CTU2: variants seen among roughly 807,000 people sequenced by gnomAD.
CTU2 encodes the protein cytoplasmic tRNA 2-thiolation protein 2.
In CTU2, 80 loss-of-function variants were observed where a neutral mutation model predicts 64.1. That is an observed-to-expected ratio of 1.25 (90% CI 1.04 to 1.50). The LOEUF (loss-of-function observed/expected upper bound fraction) is 1.50. Among genes scored for constraint, CTU2 ranks in the 40% most tolerant of loss-of-function variants. The pLI is 0.00. For missense variants in CTU2, 1,110 were observed against 690.2 expected (o/e 1.61, Z -6.81); for synonymous variants, 482 against 285.3 (o/e 1.69, Z -6.95).
chr16:88,712,880 A>C lies in CTU2; in HGVS notation c.712A>C (p.Lys238Gln). The C allele has an allele frequency of 6.5e-7, 1 of 1,528,494 alleles. No homozygotes were observed. Among genetic ancestry groups the C allele is most frequent in the Non-Finnish European group, 8.8e-7 (1 of 1,138,650 alleles). 94.7% of individuals were successfully genotyped at this position (1,528,494 alleles called of 1,614,324 possible). A position where few individuals can be genotyped will look rare whatever the true frequency, so the allele number is the denominator to read the frequency against. Residue 238 changes from lysine to glutamine, a missense_variant, in exon 7 of 15, where the codon AAG becomes CAG. Coordinates refer to ENST00000453996, the MANE Select transcript of CTU2 (RefSeq NM_001012759.3). ...CTGCTCAGTGAGGACACTGACTGCC[A>C]AGGAGGAGCTTCTGCAGACCCTGCG... The part of the protein sequence containing the change: ...LFCSVRTLTA[K>Q]EELLQTLRTH...
Position 88,714,744 on chromosome 16 carries a change from C to A in CTU2, c.1352+7C>A. ...GCCAGGGGGCCTGCAGGAGGTGAGT[C>A]CCTGTCCCTGCCACCCATGGCCAGC... is the stretch of plus-strand genomic sequence containing the variant. On this transcript the variant is annotated splice_region_variant and intron_variant, in intron 12 of 14. Transcript: ENST00000453996. 10 of 1,605,712 alleles carry A rather than the reference C, an allele frequency of 6.2e-6. No individual in the cohort carries two copies. Among genetic ancestry groups the A allele is most frequent in the Admixed American group, 1.7e-5 (1 of 59,358 alleles).
intron 5 of CTU2, 92 bp downstream of exon 5, chr16:88,711,787 G>T: frequency 8.1e-7 from 1 of 1,233,746 alleles, no homozygotes. Context: ...TCTGGTGCCG[G>T]TCCTCCCTCT....
chr16:88,713,796 G>C lies in CTU2; in HGVS notation c.1005+18G>C, dbSNP rs1911594350. ...ACACCAAGGTGGGCCTTGTGGGCTG[G>C]GCAACCTCTCTCACCATTGACACCG... On this transcript the variant is annotated intron_variant, in intron 9 of 14. Coordinates refer to ENST00000453996, the MANE Select transcript of CTU2 (RefSeq NM_001012759.3). 4.3e-6 allele frequency: 7 copies of C among 1,611,356 alleles called. No individual in the cohort carries two copies. The East Asian group carries it at 1.1e-4, about 26-fold the overall frequency.
chr16:88,711,521 A>G (rs1597427260), intron 4 of CTU2, 114 bp from the exon 5 acceptor site: 2 of 1,087,150 alleles, frequency 1.8e-6, no homozygotes. Context: ...ATGGCAGGGG[A>G]AGACCACTTC....
At chr16:88,713,579 C>A in intron 8 of CTU2, 68 bp from the exon 9 acceptor site, 1 of 1,577,400 alleles carries the variant, frequency 6.3e-7, no homozygotes, top group South Asian at 1.1e-5. Context: ...CCTCCCCTAC[C>A]TGGCAGGGGA....
At position 88,713,256 on chromosome 16, in the gene CTU2, GC is replaced by G. The variant is rs556794325; in HGVS notation, c.738-50del. Reference sequence around the variant, plus strand: ...CCCTGACCCCCACTCATACCCGAGAGCCCCCCTTCCCCGGGTCCTGCACCCC... The same window carrying G: ...CCCTGACCCCCACTCATACCCGAGAGCCCCCTTCCCCGGGTCCTGCACCCC... On this transcript the variant is annotated intron_variant, in intron 7 of 14. Coordinates refer to ENST00000453996, the MANE Select transcript of CTU2 (RefSeq NM_001012759.3). The G allele has an allele frequency of 2.5e-5, 32 of 1,284,340 alleles. 1 individual carries two copies. In the African/African-American group the frequency reaches 3.4e-4, roughly 14 times the overall value. 79.6% of individuals were successfully genotyped at this position (1,284,340 alleles called of 1,614,324 possible). A position where few individuals can be genotyped will look rare whatever the true frequency, so the allele number is the denominator to read the frequency against.
At chr16:88,713,291 C>T (rs1567650257) in intron 7 of CTU2, 21 bp from the exon 8 acceptor site, 5 of 1,586,842 alleles carry the variant, frequency 3.2e-6, no homozygotes, top group South Asian at 1.1e-5. Flanking sequence ...CCCCAGGCCC[C>T]TGAGACGCTC....
At chr16:88,708,489 A>AG (rs1378720362) in intron 2 of CTU2, among the ~76,000 whole-genome samples, 1 of 152,040 alleles carries the variant, frequency 6.6e-6, no homozygotes, top group Admixed American at 6.5e-5. Context: ...CACAGTGCGG[A>AG]GGTGAAGCCC....
chr16:88,709,715 C>T, intron 2 of CTU2: 1 of 569,650 alleles, frequency 1.8e-6, no homozygotes, highest in Non-Finnish European at 3.1e-6. Context: ...CAGTTTGTAC[C>T]TGGTCGTGGG....
At position 88,714,681 on chromosome 16, in the gene CTU2, C is replaced by T. The variant is rs1485281340; in HGVS notation, c.1296C>T (p.Pro432=). The T allele has an allele frequency of 2.5e-6, 4 of 1,612,278 alleles. No homozygotes were observed. Among genetic ancestry groups the T allele is most frequent in the East Asian group, 4.5e-5 (2 of 44,870 alleles). ...PLTETRTPPG[P]CCSPGVGWAQ... is the part of the protein sequence containing the mutation. ...CTGAGACCCGGACACCCCCGGGGCC[C>T]TGCTGTTCTCCAGGGGTGGGCTGGG... The change falls in exon 12 of 15, where the codon CCC becomes CCT. Residue 432 remains proline, a synonymous_variant. Transcript: ENST00000453996.
chr16:88,706,705 C>G lies in CTU2; in HGVS notation c.68+107C>G, dbSNP rs376022209. ...GCTCCGGGAAGCCCCGCGTGGAGAG[C>G]GGGACCTCGCTCCCTAGCACTCGGG... On this transcript the variant is annotated intron_variant, in intron 1 of 14. Transcript: ENST00000453996. 3.4e-5 allele frequency: 27 copies of G among 795,938 alleles called. 1 individual carries two copies. The East Asian group carries it at 4.0e-4, about 12-fold the overall frequency. 49.3% of individuals were successfully genotyped at this position (795,938 alleles called of 1,614,324 possible).
In CTU2 at chr16:88,714,693, A is replaced by AGGGGT; in HGVS notation, c.1312_1316dup (p.Gln442GlyfsTer29). 1.9e-6 allele frequency: 3 copies of AGGGGT among 1,611,742 alleles called. No individual in the cohort carries two copies. The highest frequency in any genetic ancestry group is 1.1e-5 in the South Asian group (1 of 90,988). On this transcript the variant is annotated frameshift_variant, in exon 12 of 15. Transcript: ENST00000453996. LOFTEE classifies it high-confidence loss of function. Reference sequence around the variant, plus strand: ...CACCCCCGGGGCCCTGCTGTTCTCCAGGGGTGGGCTGGGCCCAGCGCTGTG... The same window carrying AGGGGT: ...CACCCCCGGGGCCCTGCTGTTCTCCAGGGGTGGGGTGGGCTGGGCCCAGCGCTGTG...
At chr16:88,707,792 G>T (rs895440145) in intron 2 of CTU2, among the ~76,000 whole-genome samples, 4 of 96,346 alleles carry the variant, frequency 4.2e-5, no homozygotes, top group Non-Finnish European at 8.5e-5. Context: ...GTGGTGCGTG[G>T]TTTTTTTGTT....
chr16:88,714,817 T>C (rs2306047), intron 12 of CTU2, 43 bp from the exon 13 acceptor site: 345,100 of 1,611,286 alleles, frequency 0.21, 43,628 homozygotes, highest in East Asian at 0.63. Context: ...CTGCACGGCA[T>C]TGAGGTGCCA....
At chr16:88,713,986 C>T (rs1443995723) in intron 9 of CTU2, 150 bp from the exon 10 acceptor site, 18 of 1,022,834 alleles carry the variant, frequency 1.8e-5, no homozygotes, top group African/African-American at 7.9e-5. Context: ...ACTGCTGAAG[C>T]GGGTTCTCTG....
rs1911789834 is a variant in CTU2, at chr16:88,714,859, G to A, written c.1353-1G>A. 1.2e-6 allele frequency: 2 copies of A among 1,612,480 alleles called. No homozygotes were observed. The highest frequency in any genetic ancestry group is 2.7e-5 in the African/African-American group (2 of 74,930). ...GCACACAGCCAGCTCTGCTCCCGCA[G>A]GGAGGACCCCCAAGCCTGCATTGAG... is the stretch of plus-strand genomic sequence containing the variant. On this transcript the variant is annotated splice_acceptor_variant, in intron 12 of 14. Coordinates refer to ENST00000453996, the MANE Select transcript of CTU2 (RefSeq NM_001012759.3). LOFTEE classifies it high-confidence loss of function.
At position 88,715,058 on chromosome 16, in the gene CTU2, ACC is replaced by A; in HGVS notation, c.1434_1435del (p.Leu479AlafsTer7). On this transcript the variant is annotated frameshift_variant, in exon 14 of 15. Coordinates refer to ENST00000453996, the MANE Select transcript of CTU2 (RefSeq NM_001012759.3). LOFTEE classifies it low-confidence loss of function (END_TRUNC). ...CGGCCTCTGTTGCAGCCCTCACTGGACCCCCTGCCGCCGTACATCCTGGCTGA... is the reference window on the plus strand; with the variant it reads ...CGGCCTCTGTTGCAGCCCTCACTGGACCCTGCCGCCGTACATCCTGGCTGA... 6.4e-7 allele frequency: 1 copy of A among 1,571,234 alleles called. No individual in the cohort carries two copies. The highest frequency in any genetic ancestry group is 8.6e-7 in the Non-Finnish European group (1 of 1,157,246).
At chr16:88,707,013 T>C in intron 1 of CTU2, 123 bp from the exon 2 acceptor site, 1 of 865,196 alleles carries the variant, frequency 1.2e-6, no homozygotes, top group Admixed American at 1.9e-5. Context: ...TTTGTGTGTG[T>C]ACCGAGGTGC....
chr16:88,713,432 C>T lies in CTU2; in HGVS notation c.858C>T (p.Phe286=), dbSNP rs2142728579. ...ACCTGGCGCTGGGTCGAGGGGCCTT[C>T]CTGGCCTGGGATACGGTAGGCAGGG... ...MTNLALGRGA[F]LAWDTGFSDE... is the part of the protein sequence containing the mutation. Residue 286 remains phenylalanine (F), a synonymous_variant, in exon 8 of 15, where the codon TTC becomes TTT. Transcript: ENST00000453996. 2.5e-6 allele frequency: 4 copies of T among 1,585,376 alleles called. No homozygotes were observed. The highest frequency in any genetic ancestry group is 1.4e-5 in the African/African-American group (1 of 73,474).
Sources: gnomAD v4.1 joint callset for allele counts (sites outside exome capture counted in the v4.1 genomes callset) on GRCh38, gnomAD v4.1.1 for gene constraint, MANE v1.5 for transcripts, NCBI Gene and HGNC (gene_info 2026-07-23, HGNC 2026-07-21) for gene names.